The following ACTR3 variants were observed in gnomAD, a reference collection of about 807,000 sequenced individuals.
ACTR3 encodes actin related protein 3.
In ACTR3, 12 loss-of-function variants were observed where a neutral mutation model predicts 56.8. The observed-to-expected ratio is 0.21, with a 90% CI of 0.14 to 0.34. The LOEUF is 0.34. Ranked by LOEUF, ACTR3 falls within the 10% of genes least tolerant of loss-of-function variation. The pLI is 1.00. For synonymous variants in ACTR3, 162 were observed against 167.4 expected (o/e 0.97, Z 0.25); for missense variants, 282 against 512.5 (o/e 0.55, Z 4.34).
At chr2:113,901,863 T>C (rs1679106491) in intron 1 of ACTR3, among the ~76,000 whole-genome samples, 2 of 152,128 alleles carry the variant, frequency 1.3e-5, no homozygotes, top group Non-Finnish European at 2.9e-5. Context: ...AGCAAGAGAG[T>C]GTAATTGTAC....
intron 6 of ACTR3, among the ~76,000 whole-genome samples, chr2:113,938,035 ATCTTTT>A (rs1679859153): frequency 6.6e-6 from 1 of 151,668 alleles, no homozygotes; most frequent in African/African-American, 2.4e-5. Flanking sequence ...TTTTTTTATA[ATCTTTT>A]TCTTTTTTTT....
At position 113,923,236 on chromosome 2, in the gene ACTR3, A is replaced by G. The variant is rs548062953; in HGVS notation, c.226-4109A>G. ...TTTGATATGCTCTTTGTTAAATCCA[A>G]TTATATGTAACAGTTTTCATCCTTC... On this transcript the variant is annotated intron_variant, in intron 3 of 11. Coordinates refer to ENST00000263238, the MANE Select transcript of ACTR3 (RefSeq NM_005721.5). Among the ~76,000 whole-genome samples, 33 of 152,208 alleles carry G rather than the reference A, an allele frequency of 2.2e-4. No homozygotes were observed. In the South Asian group the frequency reaches 3.7e-3, roughly 17 times the overall value.
intron 1 of ACTR3, among the ~76,000 whole-genome samples, chr2:113,902,630 C>T (rs576592450): frequency 9.9e-5 from 15 of 151,502 alleles, no homozygotes; most frequent in African/African-American, 2.4e-4. Flanking sequence ...GACAGAGTCT[C>T]GCTCTGTCAC....
chr2:113,918,288 TTG>T (rs1559469147), intron 3 of ACTR3, among the ~76,000 whole-genome samples: 1 of 152,168 alleles, frequency 6.6e-6, no homozygotes, highest in Non-Finnish European at 1.5e-5. Context: ...ATTTCTAACT[TTG>T]TGATATCATT....
At chr2:113,909,920 G>A (rs879412798) in intron 1 of ACTR3, among the ~76,000 whole-genome samples, 1 of 152,158 alleles carries the variant, frequency 6.6e-6, no homozygotes, top group Non-Finnish European at 1.5e-5. Context: ...CTTGTAGCCA[G>A]TAGAGCATCA....
At chr2:113,906,674 C>T (rs928344357) in intron 1 of ACTR3, among the ~76,000 whole-genome samples, 3 of 152,040 alleles carry the variant, frequency 2.0e-5, no homozygotes, top group African/African-American at 7.2e-5. Context: ...CAACTTCATT[C>T]TTTTGCATGT....
intron 5 of ACTR3, among the ~76,000 whole-genome samples, chr2:113,931,635 T>G (rs1056210702): frequency 6.6e-6 from 1 of 152,134 alleles, no homozygotes; most frequent in Non-Finnish European, 1.5e-5. Flanking sequence ...TTCAAGGGCT[T>G]TCATAGGACA....
intron 1 of ACTR3, among the ~76,000 whole-genome samples, chr2:113,901,244 G>T (rs1423162065): frequency 2.0e-5 from 3 of 152,258 alleles, no homozygotes; most frequent in Non-Finnish European, 2.9e-5. Context: ...CTTGAATCCA[G>T]CTACTCGGGA....
intron 8 of ACTR3, among the ~76,000 whole-genome samples, chr2:113,947,522 C>T (rs781270969): frequency 6.6e-5 from 10 of 152,222 alleles, no homozygotes; most frequent in Non-Finnish European, 1.0e-4. Flanking sequence ...AGGCATGTGG[C>T]GTGTGCCTGT....
intron 6 of ACTR3, 115 bp from the exon 7 acceptor site, chr2:113,939,844 T>C: frequency 1.1e-6 from 1 of 896,648 alleles, no homozygotes. Flanking sequence ...AAAGCAGTAC[T>C]TGAGACTATA....
At chr2:113,926,530 G>A (rs2104604984) in intron 3 of ACTR3, among the ~76,000 whole-genome samples, 1 of 152,294 alleles carries the variant, frequency 6.6e-6, no homozygotes, top group East Asian at 1.9e-4. Flanking sequence ...TCCAAGATGA[G>A]TTGGCCACAT....
At chr2:113,908,760 T>A (rs1679250308) in intron 1 of ACTR3, among the ~76,000 whole-genome samples, 1 of 152,054 alleles carries the variant, frequency 6.6e-6, no homozygotes, top group Non-Finnish European at 1.5e-5. Flanking sequence ...AAAGAGTGAT[T>A]TTTTTTGTCA....
rs573221958 is a variant in ACTR3, at chr2:113,918,551, A to AT, written c.225+1549dup. 9.4e-4 allele frequency among the ~76,000 whole-genome samples: 142 copies of AT among 151,828 alleles called. No individual in the cohort carries two copies. In the Middle Eastern group the frequency reaches 0.01, roughly 11 times the overall value. ...AGATGCATGCCACTATGCCCAGCTA[A>AT]TTTTTTGTATTTTTGGTAGAGATGG... On this transcript the variant is annotated intron_variant, in intron 3 of 11. Transcript: ENST00000263238.
In ACTR3 at chr2:113,914,437, C is replaced by G. The variant is rs796473721; in HGVS notation, c.100+1210C>G. ...ACCAGCCTGACCAACATGATGAAACCCTGTCTCTACTAAAAATACAAAAAT... is the reference window on the plus strand; with the variant it reads ...ACCAGCCTGACCAACATGATGAAACGCTGTCTCTACTAAAAATACAAAAAT... On this transcript the variant is annotated intron_variant, in intron 2 of 11. Transcript: ENST00000263238. 5.3e-5 allele frequency among the ~76,000 whole-genome samples: 8 copies of G among 151,930 alleles called. 1 individual carries two copies. The highest frequency in any genetic ancestry group is 1.9e-4 in the African/African-American group (8 of 41,456).
intron 1 of ACTR3, among the ~76,000 whole-genome samples, chr2:113,909,975 A>G (rs1161121356): frequency 3.9e-5 from 6 of 152,140 alleles, no homozygotes; most frequent in Non-Finnish European, 2.9e-5. Flanking sequence ...GGAAATATGT[A>G]TTTGGTCTTC....
At chr2:113,946,766 G>A (rs771144524) in intron 8 of ACTR3, among the ~76,000 whole-genome samples, 15 of 152,188 alleles carry the variant, frequency 9.9e-5, no homozygotes, top group South Asian at 8.3e-4. Flanking sequence ...GCCCATACCC[G>A]TGTCCAGAAT....
chr2:113,941,787 T>C (rs1351742212), intron 7 of ACTR3, among the ~76,000 whole-genome samples: 1 of 152,160 alleles, frequency 6.6e-6, no homozygotes, highest in African/African-American at 2.4e-5. Context: ...CTATATTAAT[T>C]TGTGTGGTTA....
intron 1 of ACTR3, among the ~76,000 whole-genome samples, chr2:113,902,446 AG>A (rs1679116386): frequency 1.3e-5 from 2 of 152,088 alleles, no homozygotes; most frequent in South Asian, 2.1e-4. Context: ...ACAGGATTTT[AG>A]AGTACAATAG....
intron 10 of ACTR3, chr2:113,952,706 A>C (rs979205039): frequency 6.6e-6 from 1 of 152,130 alleles, no homozygotes; most frequent in African/African-American, 2.4e-5. Context: ...GAATGCAGTA[A>C]AAAGTATATG....
Sources: gnomAD v4.1 joint callset for allele counts (sites outside exome capture counted in the v4.1 genomes callset) on GRCh38, gnomAD v4.1.1 for gene constraint, MANE v1.5 for transcripts, NCBI Gene and HGNC (gene_info 2026-07-23, HGNC 2026-07-21) for gene names.